The following ENOX1 variants were observed in gnomAD, a reference collection of about 807,000 sequenced individuals.
The protein encoded by ENOX1 is ecto-NOX disulfide-thiol exchanger 1, also known as candidate growth-related and time keeping constitutive hydroquinone (NADH) oxidase.
ENOX1 carries 42 observed loss-of-function variants against 82.5 expected under a neutral mutation model. The ratio of observed to expected loss-of-function variants is 0.51; its 90% CI spans 0.40 to 0.66. The LOEUF is 0.66. Among genes scored for constraint, ENOX1 ranks in the 30% least tolerant of loss-of-function variants. ENOX1 has a pLI of 0.00. For missense variants in ENOX1, 608 were observed against 811.6 expected (o/e 0.75, Z 3.05); for synonymous variants, 271 against 282.2 (o/e 0.96, Z 0.40).
intron 2 of ENOX1, among the ~76,000 whole-genome samples, chr13:43,537,622 C>T (rs1443141267): frequency 6.6e-6 from 1 of 152,124 alleles, no homozygotes; most frequent in Non-Finnish European, 1.5e-5. Context: ...TGAAGTAAGA[C>T]AACTATATCA....
intron 1 of ENOX1, among the ~76,000 whole-genome samples, chr13:43,681,481 T>G (rs189480937): frequency 2.6e-5 from 4 of 152,158 alleles, no homozygotes; most frequent in Admixed American, 2.6e-4. Context: ...ATTTTTCTCT[T>G]GGGAAGAAAA....
intron 2 of ENOX1, among the ~76,000 whole-genome samples, chr13:43,616,204 A>ATTTTTT (rs58543927): frequency 6.5e-4 from 10 of 15,298 alleles, no homozygotes; most frequent in Non-Finnish European, 8.4e-4. Flanking sequence ...ATATATATAT[A>ATTTTTT]TTTTTTTTTT....
intron 1 of ENOX1, among the ~76,000 whole-genome samples, chr13:43,713,765 T>C (rs2087904993): frequency 6.6e-6 from 1 of 151,416 alleles, no homozygotes; most frequent in African/African-American, 2.4e-5. Context: ...TGATATCCCC[T>C]TTATCATTTT....
intron 2 of ENOX1, among the ~76,000 whole-genome samples, chr13:43,649,546 G>GATA (rs1161902505): frequency 2.6e-5 from 4 of 152,126 alleles, no homozygotes; most frequent in Non-Finnish European, 5.9e-5. Flanking sequence ...TTCACACTTT[G>GATA]ATAATTCACT....
chr13:43,470,893 A>T (rs1167469366), intron 3 of ENOX1, among the ~76,000 whole-genome samples: 1 of 152,182 alleles, frequency 6.6e-6, no homozygotes. Flanking sequence ...AGGATGTAGA[A>T]CACTAAAACT....
At position 43,316,684 on chromosome 13, in the gene ENOX1, T is replaced by C. The variant is rs193041957; in HGVS notation, c.1261+5700A>G. On this transcript the variant is annotated intron_variant, in intron 11 of 16. Transcript: ENST00000690772. ...AAGCATATCCATTACGGAAAGGGAA[T>C]TGTAACTGCACATGAAATTAGGGAA... 1.9e-3 allele frequency among the ~76,000 whole-genome samples: 285 copies of C among 151,918 alleles called. 3 individuals carry two copies. Among genetic ancestry groups the C allele is most frequent in the African/African-American group, 6.6e-3 (272 of 41,394 alleles).
chr13:43,462,917 G>T (rs1334892352), intron 3 of ENOX1, among the ~76,000 whole-genome samples: 1 of 152,262 alleles, frequency 6.6e-6, no homozygotes, highest in South Asian at 2.1e-4. Context: ...CATAGCTAGA[G>T]CAAAATTGTC....
At chr13:43,585,049 GCAGATGTGATTAGGTTA>G (rs2080916582) in intron 2 of ENOX1, among the ~76,000 whole-genome samples, 1 of 152,216 alleles carries the variant, frequency 6.6e-6, no homozygotes, top group Non-Finnish European at 1.5e-5. Context: ...AAAGGATTAT[GCAGATGTGATTAGGTTA>G]CAGATCTTGA....
At chr13:43,671,990 T>C (rs2085291760) in intron 1 of ENOX1, among the ~76,000 whole-genome samples, 1 of 152,222 alleles carries the variant, frequency 6.6e-6, no homozygotes, top group African/African-American at 2.4e-5. Context: ...ATCTACTTTG[T>C]ATTCAAAAAC....
chr13:43,516,381 T>G (rs1018297826), intron 2 of ENOX1, among the ~76,000 whole-genome samples: 2 of 152,166 alleles, frequency 1.3e-5, no homozygotes, highest in African/African-American at 4.8e-5. Context: ...ACACTCCTGT[T>G]GCACAAAAGG....
Position 43,641,464 on chromosome 13 carries a change from G to C in ENOX1, c.-219+26015C>G, listed in dbSNP as rs2083643895. On this transcript the variant is annotated intron_variant, in intron 2 of 16. Coordinates refer to ENST00000690772, the MANE Select transcript of ENOX1 (RefSeq NM_001347969.2). ...GGCCCTTGAGTCTCTATAAGGAATT[G>C]TGTGATTTAAATCAATACAACTGAA... Among the ~76,000 whole-genome samples the C allele has an allele frequency of 4.0e-5, 6 of 150,034 alleles. No homozygotes were observed. The South Asian group carries it at 1.3e-3, about 32-fold the overall frequency.
intron 14 of ENOX1, among the ~76,000 whole-genome samples, chr13:43,247,867 A>G (rs868811011): frequency 9.4e-4 from 2 of 2,118 alleles, no homozygotes; most frequent in Admixed American, 7.7e-3. Flanking sequence ...ATATATATAT[A>G]TATATATATA....
chr13:43,665,739 T>C (rs1436293256), intron 2 of ENOX1, among the ~76,000 whole-genome samples: 2 of 151,764 alleles, frequency 1.3e-5, no homozygotes, highest in Non-Finnish European at 2.9e-5. Flanking sequence ...AAAACTCTTA[T>C]CTCATTTATG....
intron 16 of ENOX1, among the ~76,000 whole-genome samples, chr13:43,219,887 C>T (rs116368759): frequency 2.1e-4 from 32 of 152,344 alleles, no homozygotes; most frequent in Admixed American, 1.1e-3. Context: ...CGGCAGAGGC[C>T]GGAGCGTCAG....
intron 5 of ENOX1, among the ~76,000 whole-genome samples, chr13:43,395,600 A>G (rs2153585098): frequency 6.6e-6 from 1 of 152,310 alleles, no homozygotes; most frequent in Admixed American, 6.5e-5. Flanking sequence ...ATTTCCACTA[A>G]CATTGAGTTG....
chr13:43,785,812 C>A (rs1952550781), intron 1 of ENOX1, among the ~76,000 whole-genome samples: 1 of 152,140 alleles, frequency 6.6e-6, no homozygotes, highest in South Asian at 2.1e-4. Context: ...GACCCGCGAG[C>A]CCCGGGTGTC....
At chr13:43,552,167 C>A (rs910113073) in intron 2 of ENOX1, among the ~76,000 whole-genome samples, 2 of 152,058 alleles carry the variant, frequency 1.3e-5, no homozygotes, top group African/African-American at 2.4e-5. Flanking sequence ...CCGAAGTATT[C>A]ATTGACAGTT....
chr13:43,307,201 C>T (rs2046917789), intron 11 of ENOX1, among the ~76,000 whole-genome samples: 1 of 152,164 alleles, frequency 6.6e-6, no homozygotes, highest in Non-Finnish European at 1.5e-5. Context: ...TTGAAATTGA[C>T]TTATGAACAC....
At chr13:43,436,678 G>T (rs2056051209) in intron 3 of ENOX1, among the ~76,000 whole-genome samples, 1 of 152,076 alleles carries the variant, frequency 6.6e-6, no homozygotes, top group African/African-American at 2.4e-5. Context: ...TTACTATACA[G>T]CTTGGAGTTC....
Sources: allele counts gnomAD v4.1 joint callset (sites outside exome capture counted in the v4.1 genomes callset), GRCh38; gene constraint gnomAD v4.1.1; transcripts MANE v1.5; gene names NCBI Gene and HGNC (gene_info 2026-07-23, HGNC 2026-07-21).